The following INPP5F variants were observed in gnomAD, a reference collection of about 807,000 sequenced individuals.
The protein encoded by INPP5F is phosphatidylinositide 4-phosphatase SAC2.
INPP5F carries 97 observed loss-of-function variants against 137.2 expected under a neutral mutation model. That is an observed-to-expected ratio of 0.71 (90% CI 0.60 to 0.84). The LOEUF is 0.84. Ranked by LOEUF, INPP5F falls within the 40% of genes least tolerant of loss-of-function variation. The probability of loss-of-function intolerance (pLI) is 0.00; values close to 1 mark genes in which losing one functional copy is unlikely to be tolerated. For synonymous variants in INPP5F, 504 were observed against 476.9 expected, an observed-to-expected ratio of 1.06 and a Z score of -0.74; for missense variants, 1,271 against 1,371.9, an observed-to-expected ratio of 0.93 and a Z score of 1.16.
intron 6 of INPP5F, chr10:119,793,447 G>A (rs1305313633): frequency 6.6e-6 from 1 of 151,572 alleles, no homozygotes; most frequent in Non-Finnish European, 1.5e-5. Flanking sequence ...AACTGAGATA[G>A]GACCTGGAGT....
At position 119,806,390 on chromosome 10, in the gene INPP5F, G is replaced by A; in HGVS notation, c.1350G>A (p.Gln450=). The change falls in exon 12 of 20, where the codon CAG becomes CAA. Residue 450 remains glutamine (Q), a synonymous_variant. Transcript: ENST00000650623. The part of the protein sequence containing the change: ...WVDEAGVICK[Q]EGIFRVNCMD... ...ATGAAGCTGGGGTAATATGTAAGCAGGAAGGGATTTTTCGTGTTAATTGTA... is the reference window on the plus strand; with the variant it reads ...ATGAAGCTGGGGTAATATGTAAGCAAGAAGGGATTTTTCGTGTTAATTGTA... The A allele has an allele frequency of 1.9e-6, 3 of 1,597,202 alleles. No homozygotes were observed. Among genetic ancestry groups the A allele is most frequent in the Non-Finnish European group, 2.6e-6 (3 of 1,170,810 alleles).
At position 119,797,537 on chromosome 10, in the gene INPP5F, T is replaced by C. The variant is rs1441082745; in HGVS notation, c.945T>C (p.His315=). Residue 315 remains histidine (H), a synonymous_variant, in exon 8 of 20, where the codon CAT becomes CAC. Coordinates refer to ENST00000650623, the MANE Select transcript of INPP5F (RefSeq NM_014937.4). ...ATGTGGAGACTGAGCAGTTGATTCA[T>C]GTTCATAATCATACCCTGTCATTTG... is the stretch of plus-strand genomic sequence containing the variant. ...ANYVETEQLI[H]VHNHTLSFVQ... is the part of the protein sequence containing the mutation. 5.0e-6 allele frequency: 8 copies of C among 1,612,918 alleles called. No individual in the cohort carries two copies. Among genetic ancestry groups the C allele is most frequent in the East Asian group, 2.2e-5 (1 of 44,872 alleles).
intron 2 of INPP5F, among the ~76,000 whole-genome samples, chr10:119,756,984 G>A (rs1038247561): frequency 6.6e-6 from 1 of 152,106 alleles, no homozygotes; most frequent in African/African-American, 2.4e-5. Context: ...CAGGCAGGTG[G>A]ATTTCAGCCA....
chr10:119,799,297 AT>A (rs757639395), intron 9 of INPP5F: 87 of 437,844 alleles, frequency 2.0e-4, no homozygotes, highest in East Asian at 1.1e-3. Context: ...AGGTAAATGC[AT>A]TTTTTTTTCA....
chr10:119,766,517 A>C (rs528337073), intron 2 of INPP5F, among the ~76,000 whole-genome samples: 263 of 152,360 alleles, frequency 1.7e-3, no homozygotes, highest in African/African-American at 6.1e-3. Context: ...AGATTCAAGA[A>C]GTACTTTGAA....
intron 3 of INPP5F, among the ~76,000 whole-genome samples, chr10:119,790,004 C>T (rs1174072638): frequency 7.6e-6 from 1 of 132,050 alleles, no homozygotes; most frequent in African/African-American, 2.9e-5. Context: ...ATTGAGCATG[C>T]TTCAGACAGC....
intron 8 of INPP5F, 99 bp from the exon 9 acceptor site, chr10:119,798,444 T>C (rs910754778): frequency 2.6e-6 from 2 of 770,638 alleles, no homozygotes. Flanking sequence ...TCATTTGGGC[T>C]GTCAATAAAT....
Position 119,748,969 on chromosome 10 carries a change from T to C in INPP5F, c.98-2107T>C, listed in dbSNP as rs1264806248. On this transcript the variant is annotated intron_variant, in intron 1 of 19. Transcript: ENST00000650623. This position sits in a 1 kb window ranked among gnomAD's most constrained non-coding sequence, Gnocchi z 4.7. ...CACTTGGAGCTGCCCTCACCCCTGC[T>C]GGCCTCTCTCCCACGCTTATCGGCA... 1.3e-5 allele frequency among the ~76,000 whole-genome samples: 2 copies of C among 152,198 alleles called. No individual in the cohort carries two copies. Among genetic ancestry groups the C allele is most frequent in the Non-Finnish European group, 2.9e-5 (2 of 68,014 alleles).
intron 17 of INPP5F, 75 bp downstream of exon 17, chr10:119,822,579 C>T: frequency 1.5e-6 from 1 of 660,816 alleles, no homozygotes; most frequent in Non-Finnish European, 2.6e-6. Context: ...ATTATTTAAG[C>T]AAGAACCTGG....
chr10:119,751,590 G>A (rs1311727632), intron 2 of INPP5F, among the ~76,000 whole-genome samples: 1 of 152,104 alleles, frequency 6.6e-6, no homozygotes, highest in Non-Finnish European at 1.5e-5. Flanking sequence ...TCCTGTCAGG[G>A]ATCCCTATCC....
chr10:119,746,945 C>T (rs1336927549), intron 1 of INPP5F, among the ~76,000 whole-genome samples: 5 of 152,088 alleles, frequency 3.3e-5, no homozygotes, highest in Admixed American at 6.5e-5. Context: ...TGTGCCAACA[C>T]GTTCAGCTAA....
chr10:119,825,684 GAA>G (rs1313378115), intron 19 of INPP5F, among the ~76,000 whole-genome samples: 2 of 152,156 alleles, frequency 1.3e-5, no homozygotes, highest in Non-Finnish European at 2.9e-5. Flanking sequence ...TTTGGAAAAA[GAA>G]TGCCTATCAA....
At chr10:119,817,502 T>G (rs887294399) in intron 15 of INPP5F, among the ~76,000 whole-genome samples, 3 of 152,214 alleles carry the variant, frequency 2.0e-5, no homozygotes, top group Non-Finnish European at 4.4e-5. Context: ...TTGCCAACAC[T>G]TATTTTCCTT....
chr10:119,743,663 G>T (rs1302497267), intron 1 of INPP5F, among the ~76,000 whole-genome samples: 1 of 138,616 alleles, frequency 7.2e-6, no homozygotes, highest in South Asian at 2.8e-4. Flanking sequence ...GGGGGGCGGG[G>T]GGGGGGATGG....
rs1851133884 is a variant in INPP5F, at chr10:119,813,610, G to A, written c.1886+1655G>A. Among the ~76,000 whole-genome samples, 3 of 152,164 alleles carry A rather than the reference G, an allele frequency of 2.0e-5. No homozygotes were observed. In the South Asian group the frequency reaches 6.2e-4, roughly 32 times the overall value. On this transcript the variant is annotated intron_variant, in intron 15 of 19. Transcript: ENST00000650623. ...ACTGAACACCAGCCTGGGTGACAGA[G>A]TGAGACCCTGTCTCAAAAAAAACAA...
intron 19 of INPP5F, among the ~76,000 whole-genome samples, 155 bp downstream of exon 19, chr10:119,824,057 T>G (rs1232022503): frequency 6.6e-6 from 1 of 152,212 alleles, no homozygotes; most frequent in Non-Finnish European, 1.5e-5. Context: ...TCAAAATACT[T>G]TCAACATTCT....
chr10:119,800,240 A>G (rs991551647), intron 9 of INPP5F, among the ~76,000 whole-genome samples: 6 of 152,184 alleles, frequency 3.9e-5, no homozygotes, highest in South Asian at 2.1e-4. Flanking sequence ...ATGTATGACA[A>G]AGGTCTCATA....
intron 2 of INPP5F, 25 bp from the exon 3 acceptor site, chr10:119,781,610 C>T: frequency 1.3e-6 from 2 of 1,584,140 alleles, no homozygotes; most frequent in Non-Finnish European, 1.7e-6. Flanking sequence ...AAACGCCAGA[C>T]TTTATTATGA....
intron 1 of INPP5F, among the ~76,000 whole-genome samples, chr10:119,732,550 A>G (rs1221483527): frequency 8.3e-6 from 1 of 120,446 alleles, no homozygotes; most frequent in East Asian, 2.5e-4. Context: ...CCCAGGCTGG[A>G]GTACAATGGC....
Sources: allele counts gnomAD v4.1 joint callset (sites outside exome capture counted in the v4.1 genomes callset), GRCh38; gene constraint gnomAD v4.1.1; non-coding constraint Gnocchi (gnomAD v3.1); transcripts MANE v1.5; gene names NCBI Gene and HGNC (gene_info 2026-07-23, HGNC 2026-07-21).